Variants in USP34 observed in about 807,000 individuals in gnomAD.
USP34 encodes the protein ubiquitin carboxyl-terminal hydrolase 34.
USP34 carries 70 observed loss-of-function variants against 460.3 expected under a neutral mutation model. That is an observed-to-expected ratio of 0.15 (90% confidence interval 0.13 to 0.19). The LOEUF (loss-of-function observed/expected upper bound fraction) is 0.19. Among genes scored for constraint, USP34 ranks in the 10% least tolerant of loss-of-function variants. The pLI is 1.00. For synonymous variants in USP34, 1,647 were observed against 1,405.3 expected (o/e 1.17, Z -3.85); for missense variants, 3,985 against 4,236.2 (o/e 0.94, Z 1.65).
At chr2:61,358,362 AAACTT>A (rs952410152) in intron 10 of USP34, among the ~76,000 whole-genome samples, 2 of 152,104 alleles carry the variant, frequency 1.3e-5, no homozygotes, top group African/African-American at 4.8e-5. Flanking sequence ...CATTCATACT[AAACTT>A]ATAGTTCTAA....
At position 61,256,378 on chromosome 2, in the gene USP34, G is replaced by C. The variant is rs376713538; in HGVS notation, c.6221+6C>G. 6 of 1,603,602 alleles carry C rather than the reference G, an allele frequency of 3.7e-6. No individual in the cohort carries two copies. The Admixed American group carries it at 8.4e-5, about 22-fold the overall frequency. ...CATAATAAAAATCACATTTGAAAAAGCATACCTTTTTTCAGCTCGTACTTT... is the reference window on the plus strand; with the variant it reads ...CATAATAAAAATCACATTTGAAAAACCATACCTTTTTTCAGCTCGTACTTT... On this transcript the variant is annotated splice_donor_region_variant and intron_variant, in intron 48 of 79. Transcript: ENST00000398571.
chr2:61,288,436 A>T (rs1689753873), intron 34 of USP34, among the ~76,000 whole-genome samples: 1 of 152,208 alleles, frequency 6.6e-6, no homozygotes, highest in African/African-American at 2.4e-5. Context: ...TAAATTACTG[A>T]GTTCAAATAA....
In USP34 at chr2:61,245,243, T is replaced by C. The variant is rs907952111; in HGVS notation, c.6594A>G (p.Gln2198=). The change falls in exon 51 of 80, where the codon CAA becomes CAG. Residue 2198 remains glutamine, a synonymous_variant. Transcript: ENST00000398571. ...DAEVKPFDSA[Q]LASECFGGEM... The stretch of plus-strand genomic sequence containing the variant: ...CTCCACCAAAACATTCAGATGCAAG[T>C]TGAGCAGAATCAAAAGGTTTTACCT... 11 of 1,610,482 alleles carry C rather than the reference T, an allele frequency of 6.8e-6. No individual in the cohort carries two copies. In the East Asian group the frequency reaches 1.8e-4, roughly 26 times the overall value.
chr2:61,288,250 A>C (rs2103971331), intron 34 of USP34, among the ~76,000 whole-genome samples: 1 of 152,182 alleles, frequency 6.6e-6, no homozygotes, highest in East Asian at 1.9e-4. Flanking sequence ...CCACTTCCCT[A>C]ATGTTCCACA....
intron 7 of USP34, among the ~76,000 whole-genome samples, chr2:61,379,941 G>T (rs989418279): frequency 6.6e-6 from 1 of 152,144 alleles, no homozygotes; most frequent in Non-Finnish European, 1.5e-5. Flanking sequence ...TGAAAGAGTT[G>T]GACCCGGAAA....
At chr2:61,426,032 C>A (rs1694501982) in intron 1 of USP34, among the ~76,000 whole-genome samples, 1 of 152,034 alleles carries the variant, frequency 6.6e-6, no homozygotes, top group African/African-American at 2.4e-5. Context: ...GGCCAGAAGA[C>A]AGGAGCTGAC....
intron 5 of USP34, among the ~76,000 whole-genome samples, chr2:61,394,514 G>T (rs567669550): frequency 7.2e-6 from 1 of 139,840 alleles, no homozygotes; most frequent in South Asian, 2.3e-4. Context: ...CCTAAACAAC[G>T]GAGTGAGACC....
chr2:61,423,575 T>C (rs1694424101), intron 1 of USP34, among the ~76,000 whole-genome samples: 1 of 152,180 alleles, frequency 6.6e-6, no homozygotes, highest in African/African-American at 2.4e-5. Flanking sequence ...AAATCCCACA[T>C]TCACTGGTTG....
chr2:61,236,492 AAAAT>A, intron 53 of USP34, 103 bp from the exon 54 acceptor site: 2 of 842,264 alleles, frequency 2.4e-6, no homozygotes, highest in Non-Finnish European at 3.6e-6. Flanking sequence ...ACCACAAAAT[AAAAT>A]AAAATCCATG....
intron 3 of USP34, among the ~76,000 whole-genome samples, chr2:61,399,453 T>C (rs1285349421): frequency 6.6e-6 from 1 of 152,024 alleles, no homozygotes; most frequent in Non-Finnish European, 1.5e-5. Flanking sequence ...ATTTCCAATA[T>C]GAATACATAA....
chr2:61,344,274 A>C (rs1472612006), intron 15 of USP34, among the ~76,000 whole-genome samples: 4 of 152,230 alleles, frequency 2.6e-5, no homozygotes, highest in African/African-American at 9.6e-5. Flanking sequence ...AAACAAATTC[A>C]AAGAACAATT....
chr2:61,386,793 GAAAC>G (rs766282422), intron 5 of USP34, among the ~76,000 whole-genome samples: 1 of 151,812 alleles, frequency 6.6e-6, no homozygotes, highest in Non-Finnish European at 1.5e-5. Context: ...CATCTAAAAA[GAAAC>G]AAACAAAAAA....
intron 15 of USP34, among the ~76,000 whole-genome samples, chr2:61,344,380 T>C (rs1691698814): frequency 2.0e-5 from 3 of 152,138 alleles, no homozygotes; most frequent in Admixed American, 6.5e-5. Flanking sequence ...TTTACAACTG[T>C]AGAATCAAAC....
intron 67 of USP34, among the ~76,000 whole-genome samples, chr2:61,219,804 AT>A (rs1015889064): frequency 3.9e-5 from 6 of 152,064 alleles, no homozygotes; most frequent in African/African-American, 1.2e-4. Context: ...TTAAATTTTC[AT>A]TTTTTTGAAC....
intron 69 of USP34, among the ~76,000 whole-genome samples, chr2:61,210,413 A>G (rs760963097): frequency 2.6e-5 from 4 of 152,238 alleles, no homozygotes; most frequent in African/African-American, 9.6e-5. Flanking sequence ...AACATGCTAT[A>G]CAGATTTAGA....
chr2:61,325,276 TAAAAA>T, intron 21 of USP34, 94 bp downstream of exon 21: 2 of 604,502 alleles, frequency 3.3e-6, no homozygotes, highest in South Asian at 2.9e-5. Context: ...TAAATTAAAC[TAAAAA>T]AAAAAAAAAA....
chr2:61,365,726 A>G (rs890150004), intron 10 of USP34, among the ~76,000 whole-genome samples: 2 of 152,196 alleles, frequency 1.3e-5, no homozygotes, highest in Non-Finnish European at 2.9e-5. Flanking sequence ...GTTATAGTAT[A>G]TAATCTAAAT....
chr2:61,325,014 C>T (rs901240159), intron 21 of USP34, among the ~76,000 whole-genome samples: 1 of 152,050 alleles, frequency 6.6e-6, no homozygotes, highest in East Asian at 1.9e-4. Flanking sequence ...AAATACCGTA[C>T]ATTCTTGCTT....
In USP34 at chr2:61,470,750, G is replaced by A. The variant is rs1235557935; in HGVS notation, c.-58C>T. On this transcript the variant is annotated 5_prime_UTR_variant, in exon 1 of 80. Transcript: ENST00000398571. ...CGGATCACACTGACTGATCCCGACC[G>A]GCGGGGGGGAGGGGAGAGAGGCGGA... The A allele has an allele frequency of 3.2e-5, 48 of 1,482,532 alleles. No homozygotes were observed. Among genetic ancestry groups the A allele is most frequent in the Non-Finnish European group, 4.1e-5 (45 of 1,086,978 alleles). The allele number at this position is 1,482,532 out of a possible 1,614,324, so 91.8% of individuals were successfully genotyped here.
Sources: gnomAD v4.1 joint callset for allele counts (sites outside exome capture counted in the v4.1 genomes callset) on GRCh38, gnomAD v4.1.1 for gene constraint, MANE v1.5 for transcripts, NCBI Gene and HGNC (gene_info 2026-07-23, HGNC 2026-07-21) for gene names.